Variants in ZBED6 observed in about 807,000 individuals in gnomAD.
ZBED6 encodes zinc finger BED-type containing 6.
In ZBED6, 40 loss-of-function variants were observed where a neutral mutation model predicts 58.4. The ratio of observed to expected loss-of-function variants is 0.68; its 90% CI spans 0.53 to 0.89. ZBED6 has a LOEUF of 0.89. Ranked by LOEUF, ZBED6 falls within the 40% of genes least tolerant of loss-of-function variation. ZBED6 has a pLI of 0.00. For missense variants in ZBED6, 1,057 were observed against 1,003.9 expected, an observed-to-expected ratio of 1.05 and a Z score of -0.71; for synonymous variants, 439 against 350.6, an observed-to-expected ratio of 1.25 and a Z score of -2.82.
At chr1:203,798,342 T>C (rs923549475) in exon 1 of ZBED6, 7 of 1,535,904 alleles carry the variant, frequency 4.6e-6, no homozygotes, top group Non-Finnish European at 6.1e-6. Context: ...GAATTTTTTT[T>C]ACACTGATCC....
chr1:203,802,829 G>A (rs1375349049), exon 1 of ZBED6: 1 of 152,202 alleles, frequency 6.6e-6, no homozygotes, highest in Non-Finnish European at 1.5e-5. Flanking sequence ...CCAGTAGTTG[G>A]GAGATGTTTT....
At chr1:203,817,250 G>T in intron 2 of ZBED6, 126 bp downstream of exon 2, 1 of 676,058 alleles carries the variant, frequency 1.5e-6, no homozygotes, top group African/African-American at 1.9e-5. Context: ...ATTATTGGCT[G>T]TCAGTTTTTT....
At chr1:203,830,030 C>T in intron 6 of ZBED6, 93 bp from the exon 7 acceptor site, 1 of 1,327,456 alleles carries the variant, frequency 7.5e-7, no homozygotes, top group Non-Finnish European at 1.1e-6. Context: ...TTCTGTTGAT[C>T]ATTTATTCAA....
chr1:203,844,069 C>T (rs1221229194), intron 11 of ZBED6, among the ~76,000 whole-genome samples: 1 of 152,134 alleles, frequency 6.6e-6, no homozygotes, highest in Admixed American at 6.5e-5. Flanking sequence ...GTTGGTCAGG[C>T]TGGTCTCGAA....
intron 1 of ZBED6, among the ~76,000 whole-genome samples, chr1:203,811,673 T>A (rs1211973584): frequency 6.6e-6 from 1 of 152,198 alleles, no homozygotes; most frequent in Non-Finnish European, 1.5e-5. Context: ...CACGCCTGGC[T>A]AATTTTTTGT....
chr1:203,850,059 T>C, intron 14 of ZBED6, 33 bp downstream of exon 14: 2 of 1,591,756 alleles, frequency 1.3e-6, no homozygotes, highest in Non-Finnish European at 1.7e-6. Flanking sequence ...TTGCTTTAGG[T>C]TATCAAAATT....
At chr1:203,823,756 T>A (rs931998147) in intron 3 of ZBED6, among the ~76,000 whole-genome samples, 1 of 152,186 alleles carries the variant, frequency 6.6e-6, no homozygotes, top group Non-Finnish European at 1.5e-5. Context: ...CAAAATAAGA[T>A]GTGTGCAGAA....
intron 1 of ZBED6, chr1:203,805,556 T>C: frequency 1.7e-6 from 1 of 589,148 alleles, no homozygotes; most frequent in East Asian, 4.5e-5. Context: ...TACGGTAAAT[T>C]TGGAAAGATC....
chr1:203,808,763 T>C (rs1255189847), intron 1 of ZBED6, among the ~76,000 whole-genome samples: 1 of 152,158 alleles, frequency 6.6e-6, no homozygotes, highest in Admixed American at 6.5e-5. Flanking sequence ...GGCTGGAAAT[T>C]AGAGTCTTCA....
intron 11 of ZBED6, among the ~76,000 whole-genome samples, chr1:203,841,063 C>T (rs1197526063): frequency 6.6e-6 from 1 of 152,032 alleles, no homozygotes; most frequent in East Asian, 1.9e-4. Flanking sequence ...GAAAAATCAA[C>T]TTGCATTGTA....
At chr1:203,849,457 G>C (rs1285589157) in intron 13 of ZBED6, among the ~76,000 whole-genome samples, 3 of 152,126 alleles carry the variant, frequency 2.0e-5, no homozygotes, top group African/African-American at 7.2e-5. Context: ...GATTATTTAG[G>C]AATCATTAGT....
chr1:203,829,251 G>A (rs1180032250), intron 4 of ZBED6, 200 bp from the exon 5 acceptor site: 8 of 606,074 alleles, frequency 1.3e-5, no homozygotes, highest in South Asian at 2.0e-5. Flanking sequence ...TTGTGTTTAT[G>A]TACAGTGGAG....
chr1:203,831,887 G>C (rs1300645801), intron 8 of ZBED6, 116 bp downstream of exon 8: 3 of 768,386 alleles, frequency 3.9e-6, no homozygotes, highest in East Asian at 5.4e-5. Context: ...TTAGTATGCT[G>C]ATGAGATAAT....
At chr1:203,852,750 T>C (rs1308487024) in exon 17 of ZBED6, 1 of 293,022 alleles carries the variant, frequency 3.4e-6, no homozygotes, top group African/African-American at 2.2e-5. Flanking sequence ...TTTTCTTCTT[T>C]GTTGTATTCT....
At chr1:203,847,822 G>A (rs1688297530) in intron 12 of ZBED6, 135 bp downstream of exon 12, 4 of 1,317,990 alleles carry the variant, frequency 3.0e-6, no homozygotes, top group Non-Finnish European at 4.1e-6. Context: ...ATTAAATGAA[G>A]TTTTTCAGTA....
chr1:203,852,314 G>A (rs757702173), exon 17 of ZBED6: 4 of 1,613,626 alleles, frequency 2.5e-6, no homozygotes, highest in Non-Finnish European at 3.4e-6. Context: ...ATTTCAGGAG[G>A]CAAATTGGAA....
chr1:203,839,838 C>T (rs1402614340), intron 10 of ZBED6, among the ~76,000 whole-genome samples: 1 of 151,708 alleles, frequency 6.6e-6, no homozygotes, highest in Non-Finnish European at 1.5e-5. Context: ...GAGTCTCACT[C>T]TGTCACCCAG....
intron 10 of ZBED6, among the ~76,000 whole-genome samples, chr1:203,840,006 G>T (rs1685588825): frequency 2.6e-5 from 4 of 151,982 alleles, no homozygotes; most frequent in Non-Finnish European, 5.9e-5. Flanking sequence ...GTTTCACCAT[G>T]TTGGCCAGGC....
chr1:203,832,365 A>AT lies in ZBED6; in HGVS notation c.*3510+608dup, dbSNP rs575486286. Among the ~76,000 whole-genome samples the AT allele has an allele frequency of 4.0e-3, 569 of 143,430 alleles. 2 individuals carry two copies. The highest frequency in any genetic ancestry group is 0.012 in the African/African-American group (461 of 39,338). The allele number at this position is 143,430 out of a possible 152,430, so 94.1% of individuals were successfully genotyped here. A position where few individuals can be genotyped will look rare whatever the true frequency, so the allele number is the denominator to read the frequency against. On this transcript the variant is annotated intron_variant, in intron 8 of 16. Transcript: ENST00000550078. ...TGTGAGCCACCGTTCTTGGCCATTAATTTTTTTTTTTTTTAGATGGAGTCT... is the reference window on the plus strand; with the variant it reads ...TGTGAGCCACCGTTCTTGGCCATTAATTTTTTTTTTTTTTTAGATGGAGTCT...
Sources: allele counts gnomAD v4.1 joint callset (sites outside exome capture counted in the v4.1 genomes callset), GRCh38; gene constraint gnomAD v4.1.1; transcripts MANE v1.5; gene names NCBI Gene and HGNC (gene_info 2026-07-23, HGNC 2026-07-21).